The following CCDC85A variants were observed in gnomAD, a reference collection of about 807,000 sequenced individuals.
The protein encoded by CCDC85A is coiled-coil domain containing 85A.
In CCDC85A, 38 loss-of-function variants were observed where a neutral mutation model predicts 50.2. The observed-to-expected ratio is 0.76, with a 90% CI of 0.58 to 0.99. The LOEUF is 0.99. Among genes scored for constraint, CCDC85A ranks in the 50% least tolerant of loss-of-function variants. CCDC85A has a pLI of 0.00. For synonymous variants in CCDC85A, 366 were observed against 301.4 expected (o/e 1.21, Z -2.22); for missense variants, 820 against 742.0 (o/e 1.11, Z -1.22).
intron 2 of CCDC85A, among the ~76,000 whole-genome samples, chr2:56,294,729 G>A (rs1008476947): frequency 7.2e-5 from 11 of 152,166 alleles, no homozygotes; most frequent in African/African-American, 2.7e-4. Flanking sequence ...GTATGAAAAA[G>A]TGATAATGTT....
chr2:56,330,872 G>C (rs949195403), intron 2 of CCDC85A, among the ~76,000 whole-genome samples: 4 of 151,994 alleles, frequency 2.6e-5, no homozygotes, highest in Non-Finnish European at 4.4e-5. Context: ...CCACTACTTG[G>C]TATCTCCCCA....
intron 3 of CCDC85A, among the ~76,000 whole-genome samples, chr2:56,360,605 G>C (rs892963194): frequency 6.6e-6 from 1 of 152,128 alleles, no homozygotes. Context: ...TTGGCTGTAC[G>C]TGTTAAGGGC....
rs780632509 is a variant in CCDC85A, at chr2:56,193,390, C to T, written c.1190C>T (p.Ala397Val). 4 of 1,611,006 alleles carry T rather than the reference C, an allele frequency of 2.5e-6. No homozygotes were observed. Among genetic ancestry groups the T allele is most frequent in the South Asian group, 1.1e-5 (1 of 90,484 alleles). The change falls in exon 2 of 6, where the codon GCA (alanine) becomes GTA (valine). Residue 397 changes from alanine to valine, a missense_variant. Physicochemically the swap from Ala to Val is moderately conservative, Grantham distance 64. Transcript: ENST00000407595. ...GSREGTLRRQ[A>V]QEDGSPHHRN... is the part of the protein sequence containing the mutation. The stretch of plus-strand genomic sequence containing the variant: ...AGGGAGGGCACCCTCAGACGGCAGG[C>T]ACAGGAGGACGGGTCACCCCATCAC...
rs773078371 is a variant in CCDC85A at position 56,189,295 on chromosome 2, G to GTATTTTTTTTTTTTTTTTTTTT, written c.277-3181_277-3180insATTTTTTTTTTTTTTTTTTTTT. Among the ~76,000 whole-genome samples the GTATTTTTTTTTTTTTTTTTTTT allele has an allele frequency of 6.1e-4, 61 of 100,444 alleles. 4 individuals carry two copies. Among genetic ancestry groups the GTATTTTTTTTTTTTTTTTTTTT allele is most frequent in the African/African-American group, 2.5e-3 (55 of 22,398 alleles). 65.9% of individuals were successfully genotyped at this position (100,444 alleles called of 152,430 possible). ...GCAAAACATGCACGGGGTATTTTTGGTGTTTTTTTTTTTTTTTGAGACAAG... is the reference window on the plus strand; with the variant it reads ...GCAAAACATGCACGGGGTATTTTTGGTATTTTTTTTTTTTTTTTTTTTTGTTTTTTTTTTTTTTTGAGACAAG... On this transcript the variant is annotated intron_variant, in intron 1 of 5. Transcript: ENST00000407595.
intron 3 of CCDC85A, among the ~76,000 whole-genome samples, chr2:56,364,963 A>G (rs79050403): frequency 0.015 from 2,211 of 152,174 alleles, 55 homozygotes; most frequent in African/African-American, 0.051. Flanking sequence ...TCCACCACCA[A>G]TCAGTTTCTG....
chr2:56,339,896 C>T (rs1349600633), intron 2 of CCDC85A, among the ~76,000 whole-genome samples: 4 of 152,186 alleles, frequency 2.6e-5, no homozygotes, highest in Non-Finnish European at 4.4e-5. Flanking sequence ...ATTTATGCTG[C>T]ATACTTTTCC....
intron 2 of CCDC85A, among the ~76,000 whole-genome samples, chr2:56,226,620 G>A (rs1346594442): frequency 6.6e-6 from 1 of 151,534 alleles, no homozygotes; most frequent in Non-Finnish European, 1.5e-5. Context: ...ATTACATTTG[G>A]TGTTGTGAAC....
chr2:56,264,399 A>G (rs1670348822), intron 2 of CCDC85A, among the ~76,000 whole-genome samples: 1 of 151,996 alleles, frequency 6.6e-6, no homozygotes, highest in Non-Finnish European at 1.5e-5. Flanking sequence ...CATCTTTTCT[A>G]CTTCTAAGAC....
intron 2 of CCDC85A, among the ~76,000 whole-genome samples, chr2:56,332,568 G>A (rs1205401503): frequency 6.6e-6 from 1 of 152,062 alleles, no homozygotes; most frequent in East Asian, 1.9e-4. Context: ...ATTTTGGAGG[G>A]ACACAACACT....
intron 3 of CCDC85A, among the ~76,000 whole-genome samples, chr2:56,364,805 T>G (rs942447780): frequency 6.6e-6 from 1 of 152,200 alleles, no homozygotes; most frequent in African/African-American, 2.4e-5. Context: ...AATATTGTCC[T>G]TTTAATTTCT....
chr2:56,243,465 A>T (rs1669356632), intron 2 of CCDC85A, among the ~76,000 whole-genome samples: 1 of 151,890 alleles, frequency 6.6e-6, no homozygotes, highest in African/African-American at 2.4e-5. Flanking sequence ...TCAATTCCAG[A>T]ATTTCTGCTT....
At chr2:56,214,398 T>C (rs575516434) in intron 2 of CCDC85A, among the ~76,000 whole-genome samples, 1 of 152,088 alleles carries the variant, frequency 6.6e-6, no homozygotes, top group East Asian at 1.9e-4. Context: ...GGATTTTCCA[T>C]TGATTACCCC....
intron 2 of CCDC85A, among the ~76,000 whole-genome samples, chr2:56,330,839 A>G (rs1673753276): frequency 6.6e-6 from 1 of 152,210 alleles, no homozygotes; most frequent in Non-Finnish European, 1.5e-5. Flanking sequence ...CTAAAAATAG[A>G]ACTACCATTT....
At chr2:56,356,773 T>C (rs945748586) in intron 3 of CCDC85A, among the ~76,000 whole-genome samples, 1 of 151,084 alleles carries the variant, frequency 6.6e-6, no homozygotes, top group Non-Finnish European at 1.5e-5. Flanking sequence ...GAGGTCATTT[T>C]AAGATTGAGC....
intron 3 of CCDC85A, among the ~76,000 whole-genome samples, chr2:56,357,905 C>T (rs1296594864): frequency 1.3e-5 from 2 of 152,096 alleles, no homozygotes; most frequent in African/African-American, 2.4e-5. Flanking sequence ...TCCTGAGTAT[C>T]AGCTGGAGTC....
Position 56,192,624 on chromosome 2 carries a change from G to T in CCDC85A, c.424G>T (p.Ala142Ser), listed in dbSNP as rs1225684148. ...TGCCGGGGTGATGCACAAGGAAGTG[G>T]CCTTATACCTGCAGAAGCTGAAAGA... ...YTAGVMHKEV[A>S]LYLQKLKDLE... is the part of the protein sequence containing the mutation. The change falls in exon 2 of 6, where the codon GCC (alanine) becomes TCC (serine). Residue 142 changes from alanine to serine, a missense_variant. Physicochemically the swap from Ala to Ser is moderately conservative, Grantham distance 99 (BLOSUM62 1). Coordinates refer to ENST00000407595, the MANE Select transcript of CCDC85A (RefSeq NM_001080433.2). This position sits in a 1 kb window ranked among gnomAD's most constrained non-coding sequence, Gnocchi z 4.7. 1.2e-6 allele frequency: 2 copies of T among 1,613,976 alleles called. No individual in the cohort carries two copies. The highest frequency in any genetic ancestry group is 1.1e-5 in the South Asian group (1 of 91,082).
chr2:56,208,040 C>G (rs985393765), intron 2 of CCDC85A, among the ~76,000 whole-genome samples: 2 of 152,126 alleles, frequency 1.3e-5, no homozygotes, highest in Non-Finnish European at 2.9e-5. Flanking sequence ...TTCTTAGTCA[C>G]ATGTCTGCTT....
At chr2:56,203,689 A>G (rs1310948338) in intron 2 of CCDC85A, among the ~76,000 whole-genome samples, 1 of 152,070 alleles carries the variant, frequency 6.6e-6, no homozygotes, top group Non-Finnish European at 1.5e-5. Flanking sequence ...GTGGACTTTC[A>G]CCCATATGTT....
chr2:56,318,013 T>C (rs1672999127), intron 2 of CCDC85A, among the ~76,000 whole-genome samples: 1 of 152,138 alleles, frequency 6.6e-6, no homozygotes. Context: ...TTTAGCATTT[T>C]TGTGTAGTCA....
Sources: gnomAD v4.1 joint callset for allele counts (sites outside exome capture counted in the v4.1 genomes callset) on GRCh38, gnomAD v4.1.1 for gene constraint, Gnocchi (gnomAD v3.1) non-coding constraint, MANE v1.5 for transcripts, NCBI Gene and HGNC (gene_info 2026-07-23, HGNC 2026-07-21) for gene names.